RPL7L1: variants seen among roughly 807,000 people sequenced by gnomAD.
RPL7L1 encodes the protein ribosomal protein uL30-like.
Under a neutral mutation model 30.3 loss-of-function variants are expected in RPL7L1, and 20 were observed. The ratio of observed to expected loss-of-function variants is 0.66; its 90% CI spans 0.46 to 0.96. The LOEUF (loss-of-function observed/expected upper bound fraction) is 0.96, where lower values mean the gene tolerates loss of function less well. Ranked by LOEUF, RPL7L1 falls within the 40% of genes least tolerant of loss-of-function variation. The pLI is 0.00. For missense variants in RPL7L1, 271 were observed against 314.9 expected, an observed-to-expected ratio of 0.86 and a Z score of 1.05; for synonymous variants, 107 against 110.1, an observed-to-expected ratio of 0.97 and a Z score of 0.18.
chr6:42,886,226 T>G, intron 5 of RPL7L1, 30 bp from the exon 6 acceptor site: 1 of 1,588,242 alleles, frequency 6.3e-7, no homozygotes, highest in Non-Finnish European at 8.6e-7. Flanking sequence ...ACATGTTAAA[T>G]AAAGGAATCT....
rs35319817 is a variant in RPL7L1 at position 42,889,441 on chromosome 6, CAA to C, written c.*2995_*2996del. On this transcript the variant is annotated 3_prime_UTR_variant, in exon 6 of 6. Coordinates refer to ENST00000493763, the MANE Select transcript of RPL7L1 (RefSeq NM_001366481.3). ...GGGCAACAAAAGCAAAACTCTGTCT[CAA>C]AAAAAAAAAAAAAAAAAGTGCCAGC... 759 of 90,596 alleles carry C rather than the reference CAA, an allele frequency of 8.4e-3. 7 individuals carry two copies. The highest frequency in any genetic ancestry group is 0.024 in the African/African-American group (659 of 26,978). The allele number at this position is 90,596 out of a possible 1,614,324, so 5.6% of individuals were successfully genotyped here.
Position 42,879,736 on chromosome 6 carries a change from T to C in RPL7L1, c.-175T>C. 1 of 624,960 alleles carries C rather than the reference T, an allele frequency of 1.6e-6. No homozygotes were observed. The allele number at this position is 624,960 out of a possible 1,614,324, so 38.7% of individuals were successfully genotyped here. A position where few individuals can be genotyped will look rare whatever the true frequency, so the allele number is the denominator to read the frequency against. On this transcript the variant is annotated 5_prime_UTR_variant, in exon 1 of 6. Transcript: ENST00000493763. ...GCTGGGTTTTGAAAATAACACAGGC[T>C]CTAAAAACCCTAAGAAGCGGTGCAA...
At chr6:42,881,201 C>A (rs950812910) in intron 2 of RPL7L1, 4 of 317,976 alleles carry the variant, frequency 1.3e-5, no homozygotes, top group African/African-American at 9.1e-5. Context: ...CGCGGTGGCT[C>A]ACGCCTGTAA....
downstream of RPL7L1, chr6:42,889,900 ATATG>A (rs1239797685): frequency 2.0e-5 from 3 of 152,286 alleles, no homozygotes; most frequent in Non-Finnish European, 2.9e-5. Context: ...TTGCGCACTT[ATATG>A]TATGTACCAT....
chr6:42,881,349 C>T (rs1581655032), intron 2 of RPL7L1: 1 of 154,842 alleles, frequency 6.5e-6, no homozygotes, highest in East Asian at 1.9e-4. Flanking sequence ...CCTGTAGTCC[C>T]AGCTACTCGG....
rs1476200858 is a variant in RPL7L1 at position 42,884,703 on chromosome 6, C to A, written c.402C>A (p.Pro134=). 6.2e-7 allele frequency: 1 copy of A among 1,614,062 alleles called. No homozygotes were observed. The highest frequency in any genetic ancestry group is 2.2e-5 in the East Asian group (1 of 44,888). ...IFSGVFVKVT[P]QNLKMLRIVE... The stretch of plus-strand genomic sequence containing the variant: ...GTGGTGTCTTTGTAAAAGTCACCCC[C>A]CAGAATCTAAAAATGCTGCGTATAG... Residue 134 remains proline (P), a synonymous_variant, in exon 4 of 6, where the codon CCC becomes CCA. Transcript: ENST00000493763.
At position 42,887,530 on chromosome 6, in the gene RPL7L1, C is replaced by T. The variant is rs1400588337; in HGVS notation, c.*1066C>T. 6.6e-6 allele frequency: 1 copy of T among 152,040 alleles called. No individual in the cohort carries two copies. Among genetic ancestry groups the T allele is most frequent in the African/African-American group, 2.4e-5 (1 of 41,386 alleles). The allele number at this position is 152,040 out of a possible 1,614,324, so 9.4% of individuals were successfully genotyped here. A position where few individuals can be genotyped will look rare whatever the true frequency, so the allele number is the denominator to read the frequency against. On this transcript the variant is annotated 3_prime_UTR_variant, in exon 6 of 6. Coordinates refer to ENST00000493763, the MANE Select transcript of RPL7L1 (RefSeq NM_001366481.3). Reference sequence around the variant, plus strand: ...CCTGGGAGGTGGAAGTTGCAGTGAGCTGAGATCACGCCATTGCACTCCAGC... The same window carrying T: ...CCTGGGAGGTGGAAGTTGCAGTGAGTTGAGATCACGCCATTGCACTCCAGC...
Position 42,880,834 on chromosome 6 carries a change from AT to A in RPL7L1, c.42-26del, listed in dbSNP as rs1465701356. The A allele has an allele frequency of 6.1e-6, 8 of 1,313,464 alleles. No homozygotes were observed. In the South Asian group the frequency reaches 9.5e-5, roughly 16 times the overall value. 81.4% of individuals were successfully genotyped at this position (1,313,464 alleles called of 1,614,324 possible). ...GGCCAAGTGTTCTTTTCTAAATGTT[AT>A]CTCTGATCTCAATTTTCTGCATCAG... On this transcript the variant is annotated intron_variant, in intron 1 of 5. Transcript: ENST00000493763.
chr6:42,881,294 T>C (rs1345938694), intron 2 of RPL7L1: 1 of 161,414 alleles, frequency 6.2e-6, no homozygotes, highest in Non-Finnish European at 1.4e-5. Context: ...TGAAACCCCG[T>C]CTCTACTAAA....
intron 2 of RPL7L1, chr6:42,881,191 C>T (rs183164561): frequency 1.5e-5 from 5 of 342,718 alleles, no homozygotes; most frequent in South Asian, 2.9e-5. Flanking sequence ...GTAGGCCGGG[C>T]GCGGTGGCTC....
intron 1 of RPL7L1, chr6:42,880,634 T>C (rs544253609): frequency 8.8e-5 from 33 of 376,970 alleles, no homozygotes; most frequent in Admixed American, 1.4e-4. Flanking sequence ...TGCCTCAGTC[T>C]CCCGAGTAGC....
chr6:42,880,581 C>T (rs2281324), intron 1 of RPL7L1: 23,996 of 320,628 alleles, frequency 0.075, 1,431 homozygotes, highest in African/African-American at 0.18. Flanking sequence ...GTCGGGATCT[C>T]GGCTCGGTGC....
At chr6:42,882,170 T>G (rs1214215619) in intron 2 of RPL7L1, 1 of 152,066 alleles carries the variant, frequency 6.6e-6, no homozygotes, top group African/African-American at 2.4e-5. Context: ...GTGCTGGGAT[T>G]ACAGGCCTGA....
At position 42,886,026 on chromosome 6, in the gene RPL7L1, A is replaced by T; in HGVS notation, c.502A>T (p.Lys168Ter). Reference protein sequence around the residue: ...RELILKRGQAKVKNKTIPLTD... With the variant: ...RELILKRGQA ...ACTCATTTTGAAACGTGGACAAGCC[A>T]AGGTCAAGAATAAGACCATCCCTCT... is the stretch of plus-strand genomic sequence containing the variant. The change falls in exon 5 of 6, where the codon AAG (lysine) becomes TAG (stop). Residue 168 changes from lysine to a stop codon, truncating the protein, a stop_gained. Coordinates refer to ENST00000493763, the MANE Select transcript of RPL7L1 (RefSeq NM_001366481.3). LOFTEE classifies it high-confidence loss of function. 6.2e-7 allele frequency: 1 copy of T among 1,610,680 alleles called. No individual in the cohort carries two copies.
At chr6:42,885,397 A>G (rs763451798) in intron 4 of RPL7L1, among the ~76,000 whole-genome samples, 1 of 151,480 alleles carries the variant, frequency 6.6e-6, no homozygotes, top group Non-Finnish European at 1.5e-5. Context: ...CCTGGCTAAC[A>G]TGGTGAAACC....
intron 1 of RPL7L1, 122 bp from the exon 2 acceptor site, chr6:42,880,739 C>T (rs1766040273): frequency 1.8e-6 from 1 of 561,830 alleles, no homozygotes; most frequent in South Asian, 1.9e-5. Flanking sequence ...TCTCGAACTC[C>T]TGACCTCAGG....
At chr6:42,880,076 G>A in intron 1 of RPL7L1, 125 bp downstream of exon 1, 1 of 985,122 alleles carries the variant, frequency 1.0e-6, no homozygotes. Flanking sequence ...AGTTTACAAA[G>A]GGTGGGGGTG....
chr6:42,881,390 G>A lies in RPL7L1; in HGVS notation c.147+424G>A, dbSNP rs1409208788. 3.3e-5 allele frequency: 5 copies of A among 153,452 alleles called. No homozygotes were observed. The East Asian group carries it at 5.8e-4, about 18-fold the overall frequency. The allele number at this position is 153,452 out of a possible 1,614,324, so 9.5% of individuals were successfully genotyped here. On this transcript the variant is annotated intron_variant, in intron 2 of 5. Coordinates refer to ENST00000493763, the MANE Select transcript of RPL7L1 (RefSeq NM_001366481.3). ...CGAGGCAGGAGAATGGCGTGAACTC[G>A]GGAGGTGGAGGTTGCAGTGAGCCAA...
In RPL7L1 at chr6:42,887,114, C is replaced by T. The variant is rs1304753511; in HGVS notation, c.*650C>T. Reference sequence around the variant, plus strand: ...GAATCATCTATTTTGCTGAAGAAATCTTAACTCTTTGAAATTACTTTTTAT... The same window carrying T: ...GAATCATCTATTTTGCTGAAGAAATTTTAACTCTTTGAAATTACTTTTTAT... On this transcript the variant is annotated 3_prime_UTR_variant, in exon 6 of 6. Transcript: ENST00000493763. The T allele has an allele frequency of 1.3e-5, 2 of 151,784 alleles. No individual in the cohort carries two copies. The highest frequency in any genetic ancestry group is 2.9e-5 in the Non-Finnish European group (2 of 67,994). 9.4% of individuals were successfully genotyped at this position (151,784 alleles called of 1,614,324 possible).
Sources: allele counts gnomAD v4.1 joint callset (sites outside exome capture counted in the v4.1 genomes callset), GRCh38; gene constraint gnomAD v4.1.1; transcripts MANE v1.5; gene names NCBI Gene and HGNC (gene_info 2026-07-23, HGNC 2026-07-21).